GRIK2: variants seen among roughly 807,000 people sequenced by gnomAD.
GRIK2 encodes glutamate receptor ionotropic, kainate 2.
GRIK2 carries 32 observed loss-of-function variants against 100.3 expected under a neutral mutation model. The observed-to-expected ratio is 0.32, with a 90% CI of 0.24 to 0.43. GRIK2 has a LOEUF of 0.43. GRIK2 is among the 20% of genes least tolerant of loss of function. The probability of loss-of-function intolerance (pLI) is 1.00; values close to 1 mark genes in which losing one functional copy is unlikely to be tolerated. For synonymous variants in GRIK2, 417 were observed against 389.4 expected (o/e 1.07, Z -0.83); for missense variants, 843 against 1,114.9 (o/e 0.76, Z 3.47).
At chr6:101,716,565 T>C (rs1012524746) in intron 7 of GRIK2, among the ~76,000 whole-genome samples, 3 of 130,320 alleles carry the variant, frequency 2.3e-5, no homozygotes, top group Non-Finnish European at 3.1e-5. Context: ...TGGGCCCTTA[T>C]AGGTGTTGAG....
intron 14 of GRIK2, among the ~76,000 whole-genome samples, chr6:102,022,662 TATTG>T (rs1330509003): frequency 6.6e-6 from 1 of 151,708 alleles, no homozygotes; most frequent in Non-Finnish European, 1.5e-5. Flanking sequence ...AAAGATGTAT[TATTG>T]ATTTTTTTTC....
chr6:101,886,547 C>T (rs1786630578), intron 11 of GRIK2, among the ~76,000 whole-genome samples: 1 of 151,560 alleles, frequency 6.6e-6, no homozygotes, highest in African/African-American at 2.4e-5. Flanking sequence ...TCCTATATTA[C>T]AACTTTTTTG....
intron 4 of GRIK2, among the ~76,000 whole-genome samples, chr6:101,628,213 T>A (rs1225796072): frequency 6.6e-6 from 1 of 152,080 alleles, no homozygotes; most frequent in Non-Finnish European, 1.5e-5. Context: ...ATTGGTCATC[T>A]GCAAATTGAC....
In GRIK2 at chr6:101,621,350, G is replaced by T. The variant is rs543995982; in HGVS notation, c.116-599G>T. ...CGCCTGTAGTCTCAACTACTGGGGA[G>T]GCTGAGGTGAGAGGATCACCTGAGC... is the stretch of plus-strand genomic sequence containing the variant. On this transcript the variant is annotated intron_variant, in intron 2 of 16. Coordinates refer to ENST00000369134, the MANE Select transcript of GRIK2 (RefSeq NM_021956.5). Among the ~76,000 whole-genome samples, 266 of 152,210 alleles carry T rather than the reference G, an allele frequency of 1.7e-3. 3 individuals are homozygous for T. The highest frequency in any genetic ancestry group is 6.8e-3 in the Middle Eastern group (2 of 294).
chr6:101,651,866 G>T (rs1781811622), intron 4 of GRIK2, among the ~76,000 whole-genome samples: 1 of 152,110 alleles, frequency 6.6e-6, no homozygotes, highest in Admixed American at 6.6e-5. Flanking sequence ...ACATGAAATT[G>T]GATGAGATCA....
At chr6:101,636,240 C>T (rs1463145131) in intron 4 of GRIK2, among the ~76,000 whole-genome samples, 1 of 152,106 alleles carries the variant, frequency 6.6e-6, no homozygotes, top group Non-Finnish European at 1.5e-5. Flanking sequence ...TCTCAGCAAA[C>T]TAACACAAGA....
chr6:101,842,676 AG>A (rs1783587113), intron 10 of GRIK2, among the ~76,000 whole-genome samples: 1 of 152,202 alleles, frequency 6.6e-6, no homozygotes. Flanking sequence ...TTATAGAAAA[AG>A]AACTTTCAGT....
At chr6:101,725,135 T>C (rs1774771086) in intron 7 of GRIK2, among the ~76,000 whole-genome samples, 3 of 152,098 alleles carry the variant, frequency 2.0e-5, no homozygotes, top group Non-Finnish European at 2.9e-5. Flanking sequence ...TAATCATTCA[T>C]ATATTAAGTG....
At chr6:101,637,571 C>T (rs556044814) in intron 4 of GRIK2, among the ~76,000 whole-genome samples, 93 of 152,236 alleles carry the variant, frequency 6.1e-4, no homozygotes, top group African/African-American at 1.8e-3. Flanking sequence ...GCTGAAACAA[C>T]GCCCTGCCTG....
chr6:101,683,093 C>T (rs895184124), intron 6 of GRIK2, among the ~76,000 whole-genome samples: 1 of 151,986 alleles, frequency 6.6e-6, no homozygotes, highest in Non-Finnish European at 1.5e-5. Flanking sequence ...GTCACAGCTA[C>T]TCGGGAGCCT....
intron 12 of GRIK2, among the ~76,000 whole-genome samples, chr6:101,912,296 C>T (rs951341006): frequency 2.0e-5 from 3 of 151,222 alleles, no homozygotes; most frequent in Admixed American, 6.6e-5. Flanking sequence ...CTTTAAAAAA[C>T]TCGTTTTCAA....
Position 102,035,384 on chromosome 6 carries a change from G to A in GRIK2, c.2129G>A (p.Ser710Asn), listed in dbSNP as rs1231031172. 6.2e-7 allele frequency: 1 copy of A among 1,607,634 alleles called. No homozygotes were observed. Among genetic ancestry groups the A allele is most frequent in the Non-Finnish European group, 8.5e-7 (1 of 1,175,344 alleles). ...TATGACAAAATGTGGGCCTTTATGA[G>A]TAGCAGAAGGCAGTCAGTGCTGGTC... ...STYDKMWAFM[S>N]SRRQSVLVKS... The change falls in exon 15 of 17, where the codon AGT becomes AAT. Residue 710 changes from serine (S) to asparagine (N), a missense_variant. Physicochemically the swap from Ser to Asn is conservative, Grantham distance 46. Around this residue, in one of 3 missense-constraint regions of GRIK2, gnomAD observed 237 missense variants for 388.0 expected, o/e 0.61. Transcript: ENST00000369134.
intron 2 of GRIK2, among the ~76,000 whole-genome samples, chr6:101,468,800 A>G (rs1005955413): frequency 1.3e-5 from 2 of 152,158 alleles, no homozygotes; most frequent in Admixed American, 6.5e-5. Context: ...TAATCAAGAG[A>G]GAAAACTTCA....
chr6:102,020,617 G>T (rs1034779714), intron 14 of GRIK2, among the ~76,000 whole-genome samples: 7 of 151,748 alleles, frequency 4.6e-5, no homozygotes, highest in African/African-American at 1.7e-4. Flanking sequence ...GACTTAACAG[G>T]GTTCTTTGCT....
intron 15 of GRIK2, among the ~76,000 whole-genome samples, chr6:102,036,863 A>T (rs9498819): frequency 0.082 from 12,439 of 151,372 alleles, 1,726 homozygotes; most frequent in African/African-American, 0.29. Context: ...TATTTTAATT[A>T]CATCAATGTA....
chr6:101,579,118 T>TCA (rs145006363), intron 2 of GRIK2, among the ~76,000 whole-genome samples: 2,726 of 151,148 alleles, frequency 0.018, 24 homozygotes, highest in African/African-American at 0.03. Context: ...ATGCCTGATG[T>TCA]CACACACACA....
intron 14 of GRIK2, among the ~76,000 whole-genome samples, chr6:101,932,645 T>C (rs1790364498): frequency 6.6e-6 from 1 of 151,920 alleles, no homozygotes; most frequent in African/African-American, 2.4e-5. Flanking sequence ...TCTTGGTTCC[T>C]GTATGTTTCC....
intron 2 of GRIK2, among the ~76,000 whole-genome samples, chr6:101,620,431 T>C (rs1780103586): frequency 1.3e-5 from 2 of 152,174 alleles, no homozygotes; most frequent in South Asian, 2.1e-4. Flanking sequence ...CAAATGAATA[T>C]GGTATCAAAT....
At position 101,873,847 on chromosome 6, in the gene GRIK2, T is replaced by A. The variant is rs1161107154; in HGVS notation, c.1524+14354T>A. Among the ~76,000 whole-genome samples the A allele has an allele frequency of 3.3e-5, 5 of 152,296 alleles. No individual in the cohort carries two copies. The East Asian group carries it at 9.7e-4, about 29-fold the overall frequency. ...TGATTTGCATTTCTCTGATGGCCAG[T>A]GATGATGAGCATCTTTTCATGTGTC... On this transcript the variant is annotated intron_variant, in intron 11 of 16. Coordinates refer to ENST00000369134, the MANE Select transcript of GRIK2 (RefSeq NM_021956.5).
Sources: allele counts gnomAD v4.1 joint callset (sites outside exome capture counted in the v4.1 genomes callset), GRCh38; gene constraint gnomAD v4.1.1; regional missense constraint gnomAD v4.1.1; transcripts MANE v1.5; gene names NCBI Gene and HGNC (gene_info 2026-07-23, HGNC 2026-07-21).